The following SENP6 variants were observed in gnomAD, a reference collection of about 807,000 sequenced individuals.
The protein encoded by SENP6 is SUMO specific peptidase 6, also known as sentrin-specific protease 6.
In SENP6, 41 loss-of-function variants were observed where a neutral mutation model predicts 134.5. The ratio of observed to expected loss-of-function variants is 0.30; its 90% confidence interval spans 0.24 to 0.40. The LOEUF is 0.40. Among genes scored for constraint, SENP6 ranks in the 10% least tolerant of loss-of-function variants. The probability of loss-of-function intolerance (pLI) is 1.00; values close to 1 mark genes in which losing one functional copy is unlikely to be tolerated. For synonymous variants in SENP6, 395 were observed against 429.8 expected (o/e 0.92, Z 1.00); for missense variants, 1,248 against 1,312.5 (o/e 0.95, Z 0.76).
At chr6:75,694,494 A>G (rs1364281225) in intron 16 of SENP6, among the ~76,000 whole-genome samples, 6 of 152,368 alleles carry the variant, frequency 3.9e-5, no homozygotes, top group Admixed American at 3.3e-4. Context: ...TATACAATTC[A>G]GTGTGTTTCA....
At chr6:75,605,529 A>G (rs1160695568) in intron 1 of SENP6, among the ~76,000 whole-genome samples, 1 of 152,248 alleles carries the variant, frequency 6.6e-6, no homozygotes, top group Non-Finnish European at 1.5e-5. Context: ...CATAGCATTG[A>G]AGTCAAGAAA....
Position 75,717,713 on chromosome 6 carries a change from C to T in SENP6, c.*2119C>T, listed in dbSNP as rs1480054299. The T allele has an allele frequency of 6.6e-6, 1 of 152,076 alleles. No homozygotes were observed. The highest frequency in any genetic ancestry group is 6.6e-5 in the Admixed American group (1 of 15,266). 9.4% of individuals were successfully genotyped at this position (152,076 alleles called of 1,614,324 possible). On this transcript the variant is annotated 3_prime_UTR_variant, in exon 24 of 24. Coordinates refer to ENST00000447266, the MANE Select transcript of SENP6 (RefSeq NM_015571.4). ...AGCCTTTTAAAATGTGTTATTAGTA[C>T]TTAGAAGTTGTAAAACAGAACTTAT...
intron 11 of SENP6, 52 bp downstream of exon 11, chr6:75,670,772 G>A (rs767596719): frequency 5.0e-5 from 54 of 1,090,362 alleles, no homozygotes; most frequent in African/African-American, 2.6e-4. Flanking sequence ...TAAAAATTCC[G>A]TTGCTAAAGC....
intron 7 of SENP6, among the ~76,000 whole-genome samples, chr6:75,658,348 C>T (rs1385492848): frequency 6.6e-6 from 1 of 151,784 alleles, no homozygotes; most frequent in East Asian, 1.9e-4. Context: ...ATTTTTATGT[C>T]TACATAATCT....
rs572900035 is a variant in SENP6, at chr6:75,700,589, C to T, written c.2289-2056C>T. On this transcript the variant is annotated intron_variant, in intron 18 of 23. Coordinates refer to ENST00000447266, the MANE Select transcript of SENP6 (RefSeq NM_015571.4). ...GCAATCTCCGCCTCCCAGGCTCAAGCTATCCTCCCACCTCAGCCTCCAACC... is the reference window on the plus strand; with the variant it reads ...GCAATCTCCGCCTCCCAGGCTCAAGTTATCCTCCCACCTCAGCCTCCAACC... Among the ~76,000 whole-genome samples the T allele has an allele frequency of 4.6e-5, 7 of 152,278 alleles. No individual in the cohort carries two copies. In the South Asian group the frequency reaches 1.4e-3, roughly 32 times the overall value.
At chr6:75,676,986 C>A in intron 13 of SENP6, 44 bp from the exon 14 acceptor site, 1 of 898,258 alleles carries the variant, frequency 1.1e-6, no homozygotes, top group Non-Finnish European at 1.7e-6. Flanking sequence ...TATCTATTTA[C>A]TTCTTTTGTG....
At chr6:75,692,233 A>G (rs1194817730) in intron 16 of SENP6, among the ~76,000 whole-genome samples, 1 of 152,178 alleles carries the variant, frequency 6.6e-6, no homozygotes, top group Non-Finnish European at 1.5e-5. Context: ...TTTAAAGTTA[A>G]TAGTTGTGAC....
At chr6:75,649,610 C>T (rs558001153) in intron 7 of SENP6, among the ~76,000 whole-genome samples, 10 of 152,138 alleles carry the variant, frequency 6.6e-5, no homozygotes, top group African/African-American at 1.9e-4. Flanking sequence ...CTCCGCCTCC[C>T]GGGTTCAAAT....
At chr6:75,653,029 C>CTTTTCTTTT (rs1434686004) in intron 7 of SENP6, among the ~76,000 whole-genome samples, 1 of 124,072 alleles carries the variant, frequency 8.1e-6, no homozygotes, top group African/African-American at 2.9e-5. Flanking sequence ...TTACTTTTTT[C>CTTTTCTTTT]TTTTCTTTTT....
intron 1 of SENP6, among the ~76,000 whole-genome samples, chr6:75,605,129 A>G (rs1766937226): frequency 6.6e-6 from 1 of 152,230 alleles, no homozygotes; most frequent in Non-Finnish European, 1.5e-5. Context: ...TACCAGGTTT[A>G]TAAGTGTTCA....
intron 3 of SENP6, among the ~76,000 whole-genome samples, chr6:75,633,120 C>G (rs1769235364): frequency 6.6e-6 from 1 of 152,122 alleles, no homozygotes; most frequent in East Asian, 1.9e-4. Flanking sequence ...TTATTTGCAT[C>G]TATTGAAGTA....
intron 3 of SENP6, among the ~76,000 whole-genome samples, chr6:75,626,653 C>A (rs1768720667): frequency 6.6e-6 from 1 of 151,980 alleles, no homozygotes; most frequent in South Asian, 2.1e-4. Context: ...GGGATAGATT[C>A]CTAGAATTGA....
chr6:75,677,300 A>G (rs748867465), intron 14 of SENP6, 44 bp downstream of exon 14: 78 of 1,272,414 alleles, frequency 6.1e-5, no homozygotes, highest in South Asian at 1.0e-4. Context: ...AATTGTGGGT[A>G]GTTTTAAAGG....
rs1412151177 is a variant in SENP6 at position 75,658,973 on chromosome 6, C to CAA, written c.551-289_551-288insAA. On this transcript the variant is annotated intron_variant, in intron 7 of 23. Transcript: ENST00000447266. ...GGTGACAGAATGAGACCTTGTCTCC[C>CAA]CAAAAAAAAAAAAAAAAAAAAAAAA... 1.6e-3 allele frequency among the ~76,000 whole-genome samples: 45 copies of CAA among 28,582 alleles called. 4 individuals are homozygous for CAA. The highest frequency in any genetic ancestry group is 3.9e-3 in the African/African-American group (29 of 7,378). 18.8% of individuals were successfully genotyped at this position (28,582 alleles called of 152,430 possible). A position where few individuals can be genotyped will look rare whatever the true frequency, so the allele number is the denominator to read the frequency against.
chr6:75,651,026 A>T (rs1770820612), intron 7 of SENP6, among the ~76,000 whole-genome samples: 1 of 152,192 alleles, frequency 6.6e-6, no homozygotes, highest in Non-Finnish European at 1.5e-5. Context: ...CATGATAAGC[A>T]GTTCTTTACT....
At chr6:75,710,225 A>G (rs1456062092) in intron 20 of SENP6, among the ~76,000 whole-genome samples, 13 of 152,132 alleles carry the variant, frequency 8.5e-5, no homozygotes, top group Admixed American at 8.5e-4. Flanking sequence ...TATATGTGTC[A>G]TGGCAGAAGC....
chr6:75,628,623 TTC>T (rs1316146630), intron 3 of SENP6, among the ~76,000 whole-genome samples: 2 of 152,174 alleles, frequency 1.3e-5, no homozygotes, highest in Non-Finnish European at 2.9e-5. Flanking sequence ...GGAGGGAAAT[TTC>T]TTTTTAAACT....
rs370016028 is a variant in SENP6, at chr6:75,709,603, C to G, written c.2793C>G (p.Val931=). The change falls in exon 20 of 24, where the codon GTC becomes GTG. Residue 931 remains valine, a synonymous_variant. Transcript: ENST00000447266. ...GTAAAATGCTTGAAGATGAACTCGT[C>G]GACTTCTCAGAAGATCAGGATAACC... is the stretch of plus-strand genomic sequence containing the variant. The part of the protein sequence containing the change: ...EAGKMLEDEL[V]DFSEDQDNQD... 22 of 1,613,530 alleles carry G rather than the reference C, an allele frequency of 1.4e-5. No homozygotes were observed. The African/African-American group carries it at 1.9e-4, about 14-fold the overall frequency.
chr6:75,675,545 A>C, intron 12 of SENP6, 77 bp downstream of exon 12: 3 of 896,512 alleles, frequency 3.3e-6, no homozygotes, highest in Non-Finnish European at 5.1e-6. Flanking sequence ...AAGATTAAAT[A>C]ATATTCATAG....
Sources: allele counts gnomAD v4.1 joint callset (sites outside exome capture counted in the v4.1 genomes callset), GRCh38; gene constraint gnomAD v4.1.1; transcripts MANE v1.5; gene names NCBI Gene and HGNC (gene_info 2026-07-23, HGNC 2026-07-21).